The following EYA3 variants were observed in gnomAD, a reference collection of about 807,000 sequenced individuals.
EYA3 encodes protein phosphatase EYA3.
Under a neutral mutation model 80.0 loss-of-function variants are expected in EYA3, and 39 were observed. The observed-to-expected ratio is 0.49, with a 90% confidence interval of 0.38 to 0.64. The LOEUF (loss-of-function observed/expected upper bound fraction) is 0.64, where lower values mean the gene tolerates loss of function less well. Among genes scored for constraint, EYA3 ranks in the 30% least tolerant of loss-of-function variants. The pLI is 0.00. For synonymous variants in EYA3, 206 were observed against 232.8 expected (o/e 0.88, Z 1.05); for missense variants, 523 against 676.1 (o/e 0.77, Z 2.51).
chr1:28,074,507 A>G (rs1305976690), intron 1 of EYA3, among the ~76,000 whole-genome samples: 1 of 146,158 alleles, frequency 6.8e-6, no homozygotes, highest in African/African-American at 2.5e-5. Flanking sequence ...TAGTTCTTTG[A>G]ACTTTCTTTT....
At chr1:28,046,725 T>A (rs1422855223) in intron 3 of EYA3, among the ~76,000 whole-genome samples, 5 of 152,182 alleles carry the variant, frequency 3.3e-5, no homozygotes, top group Non-Finnish European at 7.3e-5. Flanking sequence ...AGGTGGATAG[T>A]TGGGTTTAAT....
chr1:28,006,274 A>T (rs1310999116), intron 10 of EYA3, among the ~76,000 whole-genome samples: 2 of 152,182 alleles, frequency 1.3e-5, no homozygotes, highest in Non-Finnish European at 2.9e-5. Flanking sequence ...AGAGGGGGAA[A>T]AAGCTACATG....
chr1:28,011,226 A>G (rs1641675161), intron 9 of EYA3, 140 bp from the exon 10 acceptor site: 7 of 858,956 alleles, frequency 8.1e-6, no homozygotes, highest in East Asian at 8.1e-5. Context: ...TATGTAAGCA[A>G]TTATGAAGTG....
At chr1:28,035,921 TCTTCTGCCTCAGC>T in intron 5 of EYA3, among the ~76,000 whole-genome samples, 1 of 152,248 alleles carries the variant, frequency 6.6e-6, no homozygotes, top group East Asian at 1.9e-4. Flanking sequence ...TTCAAGCAAT[TCTTCTGCCTCAGC>T]CTCCCAAATA....
chr1:28,021,240 T>C (rs1221552637), intron 7 of EYA3, among the ~76,000 whole-genome samples: 1 of 152,220 alleles, frequency 6.6e-6, no homozygotes, highest in Non-Finnish European at 1.5e-5. Context: ...TTTGCAATAT[T>C]GTTCTCTCTG....
At chr1:28,018,020 C>G (rs1192217584) in intron 7 of EYA3, among the ~76,000 whole-genome samples, 6 of 151,822 alleles carry the variant, frequency 4.0e-5, no homozygotes, top group Non-Finnish European at 8.8e-5. Context: ...CGTGGTGAAA[C>G]CCCATCTCTA....
At position 28,035,247 on chromosome 1, in the gene EYA3, T is replaced by C. The variant is rs543999422; in HGVS notation, c.361+297A>G. On this transcript the variant is annotated intron_variant, in intron 6 of 17. Transcript: ENST00000373871. ...TATATTTATTATGCTTTCCTAATGA[T>C]AGTACCATACTACATTGTATATAAA... 2.6e-5 allele frequency among the ~76,000 whole-genome samples: 4 copies of C among 152,292 alleles called. No individual in the cohort carries two copies. In the South Asian group the frequency reaches 6.2e-4, roughly 24 times the overall value.
At chr1:28,082,009 G>C (rs770471449) in intron 1 of EYA3, among the ~76,000 whole-genome samples, 1 of 152,086 alleles carries the variant, frequency 6.6e-6, no homozygotes, top group Non-Finnish European at 1.5e-5. Context: ...TTAACTAAAA[G>C]TAAAGAACAT....
At chr1:28,049,368 T>C (rs185097739) in intron 2 of EYA3, among the ~76,000 whole-genome samples, 13 of 152,280 alleles carry the variant, frequency 8.5e-5, no homozygotes, top group African/African-American at 2.6e-4. Flanking sequence ...CTCTTAATTT[T>C]CATAGTTACC....
intron 1 of EYA3, among the ~76,000 whole-genome samples, chr1:28,075,168 C>T (rs2148939957): frequency 6.6e-6 from 1 of 152,308 alleles, no homozygotes; most frequent in Admixed American, 6.5e-5. Context: ...TTAGGACCTT[C>T]TTAGTTCTTT....
chr1:28,049,879 T>C lies in EYA3; in HGVS notation c.34-1453A>G, dbSNP rs375156027. 2.6e-5 allele frequency among the ~76,000 whole-genome samples: 4 copies of C among 152,292 alleles called. No homozygotes were observed. The East Asian group carries it at 5.8e-4, about 22-fold the overall frequency. ...CTACCTAAAGATGATAGTAGTTACA[T>C]ATGGTCAGATAATAATATATTCTTC... is the stretch of plus-strand genomic sequence containing the variant. On this transcript the variant is annotated intron_variant, in intron 2 of 17. Coordinates refer to ENST00000373871, the MANE Select transcript of EYA3 (RefSeq NM_001990.4).
chr1:28,023,082 T>G (rs1642549786), intron 7 of EYA3, among the ~76,000 whole-genome samples: 1 of 146,906 alleles, frequency 6.8e-6, no homozygotes, highest in African/African-American at 2.7e-5. Context: ...AAGTGCTGGG[T>G]GGGGGGGGGG....
chr1:27,981,099 AT>A (rs1475103995), intron 16 of EYA3, among the ~76,000 whole-genome samples: 6 of 152,372 alleles, frequency 3.9e-5, no homozygotes, highest in African/African-American at 1.2e-4. Context: ...TATTTTGAGA[AT>A]TCTCTTTAAT....
At chr1:28,053,181 G>GAAAAAGA (rs2148889235) in intron 2 of EYA3, among the ~76,000 whole-genome samples, 1 of 117,858 alleles carries the variant, frequency 8.5e-6, no homozygotes, top group African/African-American at 3.2e-5. Flanking sequence ...AAAAAAAACA[G>GAAAAAGA]AAAAAGAAAA....
chr1:27,982,150 G>A (rs1253039374), intron 16 of EYA3, among the ~76,000 whole-genome samples: 1 of 151,892 alleles, frequency 6.6e-6, no homozygotes, highest in African/African-American at 2.4e-5. Flanking sequence ...AGGACTACAG[G>A]TGCCCGCCAC....
At chr1:28,066,371 G>A (rs1170884293) in intron 1 of EYA3, among the ~76,000 whole-genome samples, 5 of 151,600 alleles carry the variant, frequency 3.3e-5, no homozygotes, top group East Asian at 1.9e-4. Context: ...TTTATCTTAC[G>A]TATATTTTAC....
intron 1 of EYA3, among the ~76,000 whole-genome samples, chr1:28,066,610 G>A (rs2148919029): frequency 6.6e-6 from 1 of 151,890 alleles, no homozygotes; most frequent in South Asian, 2.1e-4. Context: ...AAACAGAACA[G>A]TAAGCTTATC....
intron 7 of EYA3, among the ~76,000 whole-genome samples, chr1:28,022,607 T>G (rs1040185432): frequency 6.6e-6 from 1 of 152,208 alleles, no homozygotes; most frequent in African/African-American, 2.4e-5. Flanking sequence ...TTTATAGATA[T>G]GTGTATTTAC....
chr1:28,042,678 C>A (rs769835070), intron 3 of EYA3, 28 bp from the exon 4 acceptor site: 1 of 1,585,734 alleles, frequency 6.3e-7, no homozygotes, highest in Non-Finnish European at 8.7e-7. Context: ...AATACATTAG[C>A]CCCTGATTGA....
Sources: gnomAD v4.1 joint callset for allele counts (sites outside exome capture counted in the v4.1 genomes callset) on GRCh38, gnomAD v4.1.1 for gene constraint, MANE v1.5 for transcripts, NCBI Gene and HGNC (gene_info 2026-07-23, HGNC 2026-07-21) for gene names.